VWA8: variants seen among roughly 807,000 people sequenced by gnomAD.
The protein encoded by VWA8 is von Willebrand factor A domain-containing protein 8.
Under a neutral mutation model 241.5 loss-of-function variants are expected in VWA8, and 221 were observed. The ratio of observed to expected loss-of-function variants is 0.91; its 90% confidence interval spans 0.82 to 1.02. The LOEUF (loss-of-function observed/expected upper bound fraction) is 1.02. Ranked by LOEUF, VWA8 falls within the 50% of genes least tolerant of loss-of-function variation. VWA8 has a pLI of 0.00. For missense variants in VWA8, 2,322 were observed against 2,328.7 expected (o/e 1.00, Z 0.06); for synonymous variants, 852 against 827.1 (o/e 1.03, Z -0.52).
At position 41,727,248 on chromosome 13, in the gene VWA8, G is replaced by C. The variant is rs912459800; in HGVS notation, c.2704C>G (p.Leu902Val). The C allele has an allele frequency of 1.3e-6, 2 of 1,553,038 alleles. No homozygotes were observed. Among genetic ancestry groups the C allele is most frequent in the Admixed American group, 3.9e-5 (2 of 51,530 alleles). ...AAAGGAAATCCAGGTCTATTTGCCA[G>C]AACAATCATCCTAAAATCAGGATGA... ...VIHPDFRMIV[L>V]ANRPGFPFLG... The change falls in exon 24 of 45, where the codon CTG (leucine) becomes GTG (valine). Residue 902 changes from leucine to valine, a missense_variant. Leu to Val is a conservative substitution (Grantham distance 32). Transcript: ENST00000379310.
intron 37 of VWA8, among the ~76,000 whole-genome samples, chr13:41,651,583 T>C (rs533259516): frequency 6.6e-6 from 1 of 152,318 alleles, no homozygotes; most frequent in South Asian, 2.1e-4. Context: ...ACACAGACAA[T>C]ACATAAATGA....
chr13:41,758,369 CATATATATATAT>C (rs374621428), intron 21 of VWA8, among the ~76,000 whole-genome samples: 2 of 72,986 alleles, frequency 2.7e-5, no homozygotes, highest in East Asian at 7.9e-4. Context: ...TAGATACTAG[CATATATATATAT>C]ATATATATAT....
At chr13:41,844,133 T>G (rs2138020468) in intron 12 of VWA8, among the ~76,000 whole-genome samples, 1 of 152,202 alleles carries the variant, frequency 6.6e-6, no homozygotes, top group East Asian at 1.9e-4. Flanking sequence ...AAAAGTTAAT[T>G]CACCATGGTC....
chr13:41,745,851 T>A (rs912557920), intron 21 of VWA8, among the ~76,000 whole-genome samples: 6 of 152,176 alleles, frequency 3.9e-5, no homozygotes, highest in Admixed American at 6.5e-5. Context: ...AGAGTTGTTT[T>A]TATTTGTATT....
At chr13:41,955,590 T>C (rs1305323062) in intron 1 of VWA8, among the ~76,000 whole-genome samples, 1 of 152,184 alleles carries the variant, frequency 6.6e-6, no homozygotes, top group African/African-American at 2.4e-5. Context: ...ACCAAGTAAG[T>C]CCATTAAGTT....
At chr13:41,715,131 AG>A (rs2045340281) in intron 26 of VWA8, among the ~76,000 whole-genome samples, 1 of 151,974 alleles carries the variant, frequency 6.6e-6, no homozygotes, top group Non-Finnish European at 1.5e-5. Context: ...TATATGCCAT[AG>A]GTCCGTTGGG....
intron 24 of VWA8, among the ~76,000 whole-genome samples, chr13:41,725,108 G>T (rs992491259): frequency 2.0e-5 from 3 of 151,976 alleles, no homozygotes; most frequent in Admixed American, 6.6e-5. Flanking sequence ...CAAGTGCATA[G>T]GACAAGCTAA....
chr13:41,927,107 C>A (rs555355822), intron 2 of VWA8: 3 of 381,520 alleles, frequency 7.9e-6, no homozygotes, highest in Non-Finnish European at 1.6e-5. Context: ...GCCGCAGCAG[C>A]GGGTTTTTGA....
At chr13:41,918,813 T>C (rs183695504) in intron 2 of VWA8, among the ~76,000 whole-genome samples, 7 of 152,248 alleles carry the variant, frequency 4.6e-5, no homozygotes, top group Admixed American at 4.6e-4. Context: ...TCTTAAATGA[T>C]ACACATATAC....
intron 20 of VWA8, among the ~76,000 whole-genome samples, chr13:41,776,553 T>C (rs1174584203): frequency 6.6e-6 from 1 of 152,228 alleles, no homozygotes; most frequent in Non-Finnish European, 1.5e-5. Context: ...GTTCTAGTTT[T>C]AATTCTTGTT....
intron 12 of VWA8, among the ~76,000 whole-genome samples, chr13:41,863,088 G>T (rs1012216274): frequency 6.6e-6 from 1 of 152,028 alleles, no homozygotes; most frequent in African/African-American, 2.4e-5. Flanking sequence ...GAGTCAGTGG[G>T]CTGGGGAAGG....
intron 17 of VWA8, among the ~76,000 whole-genome samples, chr13:41,803,404 C>G (rs1240115584): frequency 6.6e-6 from 1 of 152,158 alleles, no homozygotes; most frequent in Non-Finnish European, 1.5e-5. Flanking sequence ...TTGATAAAGA[C>G]ATACCTGAGA....
chr13:41,634,450 C>T (rs2044744665), intron 37 of VWA8, among the ~76,000 whole-genome samples: 1 of 152,046 alleles, frequency 6.6e-6, no homozygotes, highest in Admixed American at 6.6e-5. Flanking sequence ...TCTGACATGT[C>T]TTAGCATTAT....
At chr13:41,656,707 T>C (rs559766455) in intron 37 of VWA8, among the ~76,000 whole-genome samples, 2 of 152,346 alleles carry the variant, frequency 1.3e-5, no homozygotes, top group African/African-American at 2.4e-5. Context: ...TCATGCTTCA[T>C]GATTGTCTTG....
chr13:41,910,302 A>C (rs1875930116), intron 3 of VWA8, among the ~76,000 whole-genome samples: 1 of 152,128 alleles, frequency 6.6e-6, no homozygotes, highest in African/African-American at 2.4e-5. Context: ...TCTTAAAATT[A>C]AAAAGGCTTG....
intron 4 of VWA8, 123 bp from the exon 5 acceptor site, chr13:41,891,710 G>A (rs956776906): frequency 9.5e-7 from 1 of 1,050,236 alleles, no homozygotes; most frequent in Non-Finnish European, 1.4e-6. Flanking sequence ...CAATAAAGCT[G>A]AGTTCCAGAT....
intron 21 of VWA8, among the ~76,000 whole-genome samples, chr13:41,759,748 T>C (rs961847975): frequency 5.3e-5 from 8 of 151,806 alleles, no homozygotes; most frequent in African/African-American, 1.7e-4. Context: ...TTTTTTTGTA[T>C]GTCTAGTCAT....
At chr13:41,940,331 A>T (rs935601055) in intron 2 of VWA8, among the ~76,000 whole-genome samples, 4 of 152,198 alleles carry the variant, frequency 2.6e-5, no homozygotes, top group African/African-American at 9.6e-5. Context: ...GAATTAGGTA[A>T]ATCAAAGCAT....
At chr13:41,727,960 G>A (rs1490871665) in intron 23 of VWA8, among the ~76,000 whole-genome samples, 1 of 152,112 alleles carries the variant, frequency 6.6e-6, no homozygotes, top group Non-Finnish European at 1.5e-5. Context: ...ACTGGCTAGT[G>A]TACATTTCAG....
Sources: gnomAD v4.1 joint callset for allele counts (sites outside exome capture counted in the v4.1 genomes callset) on GRCh38, gnomAD v4.1.1 for gene constraint, MANE v1.5 for transcripts, NCBI Gene and HGNC (gene_info 2026-07-23, HGNC 2026-07-21) for gene names.